C11orf24: variants seen among roughly 807,000 people sequenced by gnomAD.
The protein encoded by C11orf24 is uncharacterized protein C11orf24.
A neutral mutation model predicts 7.3 loss-of-function variants in C11orf24; 5 were observed. The observed-to-expected ratio is 0.69, with a 90% CI of 0.36 to 1.45. The LOEUF is 1.45. Among genes scored for constraint, C11orf24 ranks in the 40% most tolerant of loss-of-function variants. The pLI is 0.03. For synonymous variants in C11orf24, 233 were observed against 235.7 expected (o/e 0.99, Z 0.11); for missense variants, 566 against 590.5 (o/e 0.96, Z 0.43).
At position 68,261,764 on chromosome 11, in the gene C11orf24, T is replaced by C. The variant is rs763135344; in HGVS notation, c.1231A>G (p.Thr411Ala). The C allele has an allele frequency of 1.9e-6, 3 of 1,614,090 alleles. No individual in the cohort carries two copies. The highest frequency in any genetic ancestry group is 2.5e-6 in the Non-Finnish European group (3 of 1,180,018). ...AAAACCAAGACTGTGATGAAAAGGG[T>C]CACCCCGAGTAACAGCACCACCAGA... ...LLLVVLLLGV[T>A]LFITVLVLFA... Residue 411 changes from threonine to alanine, a missense_variant, in exon 4 of 4, where the codon ACC becomes GCC. Physicochemically the swap from Thr to Ala is moderately conservative, Grantham distance 58. Coordinates refer to ENST00000304271, the MANE Select transcript of C11orf24 (RefSeq NM_022338.4).
chr11:68,262,090 G>C lies in C11orf24; in HGVS notation c.905C>G (p.Thr302Ser). 6.2e-7 allele frequency: 1 copy of C among 1,613,920 alleles called. No individual in the cohort carries two copies. Among genetic ancestry groups the C allele is most frequent in the Non-Finnish European group, 8.5e-7 (1 of 1,179,994 alleles). The change falls in exon 4 of 4, where the codon ACT (threonine) becomes AGT (serine). Residue 302 changes from threonine to serine, a missense_variant. Thr to Ser is a moderately conservative substitution (Grantham distance 58, BLOSUM62 1). Coordinates refer to ENST00000304271, the MANE Select transcript of C11orf24 (RefSeq NM_022338.4). ...TTTKAQAREPTASPVPVPHTS... is the reference protein window; with the variant it reads ...TTTKAQAREPSASPVPVPHTS... ...GTGAGGTACTGGCACTGGGCTGGCA[G>C]TTGGCTCCCTGGCTTGTGCCTTGGT...
intron 3 of C11orf24, 54 bp from the exon 4 acceptor site, chr11:68,262,972 G>A: frequency 1.3e-6 from 2 of 1,542,378 alleles, no homozygotes; most frequent in Non-Finnish European, 1.8e-6. Context: ...ATCCTGCACA[G>A]GGGGATTGCT....
chr11:68,267,671 G>C (rs1166887554), intron 2 of C11orf24: 2 of 153,026 alleles, frequency 1.3e-5, no homozygotes, highest in African/African-American at 4.8e-5. Context: ...TGGGCAACAT[G>C]GCGGAACCCC....
chr11:68,261,826 T>A lies in C11orf24; in HGVS notation c.1169A>T (p.Glu390Val), dbSNP rs774507950. 1 of 1,614,114 alleles carries A rather than the reference T, an allele frequency of 6.2e-7. No individual in the cohort carries two copies. Among genetic ancestry groups the A allele is most frequent in the Non-Finnish European group, 8.5e-7 (1 of 1,180,040 alleles). ...GTCTACCACGGCCTGGGTGAGGGGC[T>A]CAGTGGTGACCACCATGTACTGGCC... ...TQGQYMVVTT[E>V]PLTQAVVDKT... The change falls in exon 4 of 4, where the codon GAG becomes GTG. Residue 390 changes from glutamate (E) to valine (V), a missense_variant. By Grantham distance (121) the Glu-to-Val change is moderately radical. Coordinates refer to ENST00000304271, the MANE Select transcript of C11orf24 (RefSeq NM_022338.4).
rs1312224588 is a variant in C11orf24 at position 68,261,979 on chromosome 11, C to T, written c.1016G>A (p.Gly339Asp). ...TACCTGCTCCGGTGCCTGGGATGTGCCTGGCCCAGCGGCCCTCTGGGTATA... is the reference window on the plus strand; with the variant it reads ...TACCTGCTCCGGTGCCTGGGATGTGTCTGGCCCAGCGGCCCTCTGGGTATA... ...MPYTQRAAGP[G>D]TSQAPEQVET... Residue 339 changes from glycine (G) to aspartate (D), a missense_variant, in exon 4 of 4, where the codon GGC becomes GAC. Physicochemically the swap from Gly to Asp is moderately conservative, Grantham distance 94. Coordinates refer to ENST00000304271, the MANE Select transcript of C11orf24 (RefSeq NM_022338.4). 2 of 1,613,932 alleles carry T rather than the reference C, an allele frequency of 1.2e-6. No individual in the cohort carries two copies. Among genetic ancestry groups the T allele is most frequent in the Non-Finnish European group, 1.7e-6 (2 of 1,180,024 alleles).
rs201655090 is a variant in C11orf24 at position 68,262,630 on chromosome 11, G to A, written c.365C>T (p.Ala122Val). 68 of 1,612,562 alleles carry A rather than the reference G, an allele frequency of 4.2e-5. No homozygotes were observed. The highest frequency in any genetic ancestry group is 5.1e-5 in the Non-Finnish European group (60 of 1,179,876). Reference sequence around the variant, plus strand: ...GGAGGCCACAGTCATACTGGAGGCCGCAGTCGTAATGGAGGCCGCAGTCGT... The same window carrying A: ...GGAGGCCACAGTCATACTGGAGGCCACAGTCGTAATGGAGGCCGCAGTCGT... ...SSTTAASITT[A>V]ASSMTVASSA... Residue 122 changes from alanine (A) to valine (V), a missense_variant, in exon 4 of 4, where the codon GCG becomes GTG. Transcript: ENST00000304271.
rs759975133 is a variant in C11orf24 at position 68,262,768 on chromosome 11, G to C, written c.227C>G (p.Ser76Cys). The C allele has an allele frequency of 1.2e-6, 2 of 1,614,136 alleles. No homozygotes were observed. Among genetic ancestry groups the C allele is most frequent in the Non-Finnish European group, 1.7e-6 (2 of 1,180,030 alleles). ...TKGTSAAHLN[S>C]MEVTTEDTSR... The stretch of plus-strand genomic sequence containing the variant: ...TGTGTCCTCTGTTGTGACTTCCATA[G>C]AGTTGAGGTGGGCTGCCGAAGTCCC... The change falls in exon 4 of 4, where the codon TCT becomes TGT. Residue 76 changes from serine to cysteine, a missense_variant. By Grantham distance (112) the Ser-to-Cys change is moderately radical (BLOSUM62 -1). Transcript: ENST00000304271.
intron 1 of C11orf24, among the ~76,000 whole-genome samples, chr11:68,269,710 T>C (rs995427756): frequency 6.6e-6 from 1 of 152,298 alleles, no homozygotes; most frequent in East Asian, 1.9e-4. Flanking sequence ...CACAAGGCTA[T>C]ATCAGGACAC....
chr11:68,267,483 C>T (rs1009322247), intron 2 of C11orf24: 3 of 152,178 alleles, frequency 2.0e-5, no homozygotes, highest in Non-Finnish European at 2.9e-5. Flanking sequence ...ATTTGTGTCA[C>T]GAAGCCGAAG....
chr11:68,266,936 C>T (rs2098565471), intron 2 of C11orf24, among the ~76,000 whole-genome samples: 1 of 152,154 alleles, frequency 6.6e-6, no homozygotes, highest in Admixed American at 6.5e-5. Context: ...ACCCCAGCCC[C>T]AGGCCTTCTG....
intron 1 of C11orf24, among the ~76,000 whole-genome samples, chr11:68,269,570 G>A (rs1419019817): frequency 1.3e-5 from 2 of 152,336 alleles, no homozygotes; most frequent in Admixed American, 1.3e-4. Flanking sequence ...ACACGCTTGT[G>A]TGCGCACAGC....
At position 68,262,658 on chromosome 11, in the gene C11orf24, T is replaced by A; in HGVS notation, c.337A>T (p.Ser113Cys). 1 of 1,614,098 alleles carries A rather than the reference T, an allele frequency of 6.2e-7. No individual in the cohort carries two copies. The highest frequency in any genetic ancestry group is 8.5e-7 in the Non-Finnish European group (1 of 1,179,998). ...TSIAPTAVAS[S>C]TTAASITTAA... ...GTCGTAATGGAGGCCGCAGTCGTAC[T>A]GGAGGCCACAGCCGTGGGAGCAATG... The change falls in exon 4 of 4, where the codon AGT becomes TGT. Residue 113 changes from serine to cysteine, a missense_variant. Physicochemically the swap from Ser to Cys is moderately radical, Grantham distance 112. Coordinates refer to ENST00000304271, the MANE Select transcript of C11orf24 (RefSeq NM_022338.4).
In C11orf24 at chr11:68,261,600, A is replaced by G; in HGVS notation, c.*45T>C. ...TGGTTTGGTCTCAAAGGCAAAAGGAAAGGACGAGGAAGGGGCCAGGCCTCC... is the reference window on the plus strand; with the variant it reads ...TGGTTTGGTCTCAAAGGCAAAAGGAGAGGACGAGGAAGGGGCCAGGCCTCC... On this transcript the variant is annotated 3_prime_UTR_variant, in exon 4 of 4. Transcript: ENST00000304271. 1.3e-6 allele frequency: 2 copies of G among 1,529,748 alleles called. No homozygotes were observed. Among genetic ancestry groups the G allele is most frequent in the Non-Finnish European group, 1.8e-6 (2 of 1,134,222 alleles). The allele number at this position is 1,529,748 out of a possible 1,614,324, so 94.8% of individuals were successfully genotyped here.
In C11orf24 at chr11:68,261,661, G is replaced by A. The variant is rs762931895; in HGVS notation, c.1334C>T (p.Ala445Val). ...QVDYLINGMYADSEM is the reference protein window; with the variant it reads ...QVDYLINGMYVDSEM Reference sequence around the variant, plus strand: ...CCGCCCCCCTCACATTTCTGAGTCCGCATACATCCCGTTGATTAAGTAGTC... The same window carrying A: ...CCGCCCCCCTCACATTTCTGAGTCCACATACATCCCGTTGATTAAGTAGTC... Residue 445 changes from alanine to valine, a missense_variant, in exon 4 of 4, where the codon GCG becomes GTG. Coordinates refer to ENST00000304271, the MANE Select transcript of C11orf24 (RefSeq NM_022338.4). 24 of 1,608,794 alleles carry A rather than the reference G, an allele frequency of 1.5e-5. No homozygotes were observed. Among genetic ancestry groups the A allele is most frequent in the South Asian group, 3.3e-5 (3 of 91,014 alleles).
intron 2 of C11orf24, 120 bp from the exon 3 acceptor site, chr11:68,263,986 G>A: frequency 1.8e-6 from 1 of 562,252 alleles, no homozygotes; most frequent in South Asian, 2.2e-5. Flanking sequence ...GCCAAGTGCT[G>A]AGACCAGGGC....
chr11:68,266,808 C>T (rs985877973), intron 2 of C11orf24, among the ~76,000 whole-genome samples: 4 of 152,064 alleles, frequency 2.6e-5, no homozygotes, highest in African/African-American at 9.7e-5. Flanking sequence ...AAAATGCTAC[C>T]ACCCCTGGTA....
intron 2 of C11orf24, among the ~76,000 whole-genome samples, chr11:68,265,970 G>A (rs956299628): frequency 2.0e-5 from 3 of 152,210 alleles, no homozygotes; most frequent in Non-Finnish European, 2.9e-5. Context: ...ACTCAGGGAC[G>A]AAGGGGCCAT....
chr11:68,266,190 C>A (rs1461543571), intron 2 of C11orf24, among the ~76,000 whole-genome samples: 1 of 152,214 alleles, frequency 6.6e-6, no homozygotes, highest in African/African-American at 2.4e-5. Context: ...ACCTCTGAGC[C>A]CCGCTGAGCT....
chr11:68,267,017 AT>A (rs2098565530), intron 2 of C11orf24: 1 of 152,300 alleles, frequency 6.6e-6, no homozygotes, highest in Admixed American at 6.5e-5. Context: ...GATGGCAAAT[AT>A]TTGGGATTCT....
Sources: gnomAD v4.1 joint callset for allele counts (sites outside exome capture counted in the v4.1 genomes callset) on GRCh38, gnomAD v4.1.1 for gene constraint, MANE v1.5 for transcripts, NCBI Gene and HGNC (gene_info 2026-07-23, HGNC 2026-07-21) for gene names.